The following APP variants were observed in gnomAD, a reference collection of about 807,000 sequenced individuals.
APP encodes amyloid-beta precursor protein.
In APP, 31 loss-of-function variants were observed where a neutral mutation model predicts 101.4. That is an observed-to-expected ratio of 0.31 (90% CI 0.23 to 0.41). The LOEUF (loss-of-function observed/expected upper bound fraction) is 0.41. Ranked by LOEUF, APP falls within the 10% of genes least tolerant of loss-of-function variation. The probability of loss-of-function intolerance (pLI) is 1.00; values close to 1 mark genes in which losing one functional copy is unlikely to be tolerated. For synonymous variants in APP, 366 were observed against 364.4 expected, an observed-to-expected ratio of 1.00 and a Z score of -0.05; for missense variants, 839 against 1,003.7, an observed-to-expected ratio of 0.84 and a Z score of 2.22.
intron 1 of APP, among the ~76,000 whole-genome samples, chr21:26,145,117 C>T (rs1409508283): frequency 1.3e-5 from 2 of 152,132 alleles, no homozygotes; most frequent in African/African-American, 4.8e-5. Flanking sequence ...GATGGCTTGC[C>T]TGTGGGATGA....
intron 13 of APP, among the ~76,000 whole-genome samples, 190 bp downstream of exon 13, chr21:25,954,400 C>A (rs1178488879): frequency 6.6e-6 from 1 of 152,188 alleles, no homozygotes; most frequent in Non-Finnish European, 1.5e-5. Context: ...TCCAGTCTTA[C>A]AAGTATGGAG....
chr21:25,895,412 C>A (rs1272746294), intron 16 of APP, among the ~76,000 whole-genome samples: 2 of 152,150 alleles, frequency 1.3e-5, no homozygotes, highest in Non-Finnish European at 2.9e-5. Context: ...GATCCACCTG[C>A]CTTGGCCTCC....
chr21:26,158,610 A>G (rs182287650), intron 1 of APP, among the ~76,000 whole-genome samples: 2 of 152,316 alleles, frequency 1.3e-5, no homozygotes, highest in East Asian at 1.9e-4. Flanking sequence ...CCTCGTCCCC[A>G]TTTTAGGAAC....
At chr21:25,897,724 A>C in intron 15 of APP, 51 bp from the exon 16 acceptor site, 2 of 1,460,110 alleles carry the variant, frequency 1.4e-6, no homozygotes, top group Non-Finnish European at 1.9e-6. Flanking sequence ...AGTTTTACTC[A>C]TAAATAATAA....
chr21:25,947,038 T>G (rs552635279), intron 13 of APP, among the ~76,000 whole-genome samples: 43 of 152,338 alleles, frequency 2.8e-4, no homozygotes, highest in African/African-American at 9.6e-4. Flanking sequence ...GATTTACTTT[T>G]TCCTAAAATT....
At chr21:25,888,971 T>A (rs1010077953) in intron 17 of APP, among the ~76,000 whole-genome samples, 6 of 152,204 alleles carry the variant, frequency 3.9e-5, no homozygotes, top group South Asian at 2.1e-4. Context: ...AACACTCAGA[T>A]TCGCAGCCTC....
chr21:26,133,379 C>T (rs2062833327), intron 1 of APP, among the ~76,000 whole-genome samples: 1 of 152,186 alleles, frequency 6.6e-6, no homozygotes, highest in African/African-American at 2.4e-5. Context: ...TTGTATGATG[C>T]CAGACTAATT....
intron 5 of APP, among the ~76,000 whole-genome samples, chr21:26,027,364 C>G (rs2044626062): frequency 6.6e-6 from 1 of 152,176 alleles, no homozygotes; most frequent in African/African-American, 2.4e-5. Context: ...CTCCTTCTCT[C>G]TGTCTCAACT....
At chr21:26,091,064 T>G (rs2061812236) in intron 2 of APP, among the ~76,000 whole-genome samples, 1 of 152,190 alleles carries the variant, frequency 6.6e-6, no homozygotes, top group Non-Finnish European at 1.5e-5. Context: ...AAGAAAAACA[T>G]AAACATAAAA....
At chr21:26,166,648 CAG>C (rs1485855188) in intron 1 of APP, among the ~76,000 whole-genome samples, 5 of 151,752 alleles carry the variant, frequency 3.3e-5, no homozygotes, top group African/African-American at 9.7e-5. Context: ...TCAAGTGAAA[CAG>C]AGAGAGGTTG....
intron 3 of APP, among the ~76,000 whole-genome samples, chr21:26,062,322 G>C (rs1004466359): frequency 7.3e-5 from 11 of 149,814 alleles, no homozygotes; most frequent in African/African-American, 2.7e-4. Context: ...TAGTGCAAAG[G>C]ATTTACTTTA....
intron 1 of APP, among the ~76,000 whole-genome samples, chr21:26,136,182 AAAG>A: frequency 1.3e-4 from 10 of 79,246 alleles, no homozygotes; most frequent in African/African-American, 1.2e-3. Context: ...AGAAAGAAAG[AAAG>A]AAAGAAAGAA....
At chr21:25,940,199 CT>C (rs1196629526) in intron 13 of APP, among the ~76,000 whole-genome samples, 1 of 152,126 alleles carries the variant, frequency 6.6e-6, no homozygotes, top group Admixed American at 6.6e-5. Flanking sequence ...GAAACTGAGT[CT>C]GTTGCACATC....
At chr21:26,009,354 G>A (rs1219935316) in intron 6 of APP, among the ~76,000 whole-genome samples, 1 of 152,070 alleles carries the variant, frequency 6.6e-6, no homozygotes, top group African/African-American at 2.4e-5. Flanking sequence ...CCTATCTCAA[G>A]CAACATTAAA....
chr21:26,146,570 A>C (rs1161540764), intron 1 of APP, among the ~76,000 whole-genome samples: 1 of 152,232 alleles, frequency 6.6e-6, no homozygotes, highest in Non-Finnish European at 1.5e-5. Flanking sequence ...TTTATACATA[A>C]AATTATAGAA....
At position 25,975,059 on chromosome 21, in the gene APP, G is replaced by T. The variant is rs1568791751; in HGVS notation, c.1458+11C>A. The T allele has an allele frequency of 6.2e-7, 1 of 1,613,368 alleles. No homozygotes were observed. The highest frequency in any genetic ancestry group is 2.2e-5 in the East Asian group (1 of 44,826). ...GACCTGAAGTGTGAACTCGGCTGCAGCGAGACCTACCCGAGGAGGAACAGC... is the reference window on the plus strand; with the variant it reads ...GACCTGAAGTGTGAACTCGGCTGCATCGAGACCTACCCGAGGAGGAACAGC... On this transcript the variant is annotated intron_variant, in intron 11 of 17. Coordinates refer to ENST00000346798, the MANE Select transcript of APP (RefSeq NM_000484.4).
At chr21:26,075,404 A>G (rs1376110317) in intron 3 of APP, among the ~76,000 whole-genome samples, 1 of 152,228 alleles carries the variant, frequency 6.6e-6, no homozygotes, top group Non-Finnish European at 1.5e-5. Flanking sequence ...AGGCCCTCAA[A>G]GCCACTGATT....
At chr21:25,952,550 T>C (rs1461838113) in intron 13 of APP, among the ~76,000 whole-genome samples, 1 of 152,240 alleles carries the variant, frequency 6.6e-6, no homozygotes, top group African/African-American at 2.4e-5. Flanking sequence ...TAGTGGCTAA[T>C]GTTTTCAGTA....
chr21:25,890,942 G>A (rs541000551), intron 17 of APP, among the ~76,000 whole-genome samples: 2 of 152,050 alleles, frequency 1.3e-5, no homozygotes, highest in African/African-American at 2.4e-5. Context: ...CAGTTTCCCT[G>A]TGCATATAAA....
Sources: gnomAD v4.1 joint callset for allele counts (sites outside exome capture counted in the v4.1 genomes callset) on GRCh38, gnomAD v4.1.1 for gene constraint, MANE v1.5 for transcripts, NCBI Gene and HGNC (gene_info 2026-07-23, HGNC 2026-07-21) for gene names.